KCNT2: variants seen among roughly 807,000 people sequenced by gnomAD.
The protein encoded by KCNT2 is potassium sodium-activated channel subfamily T member 2.
In KCNT2, 67 loss-of-function variants were observed where a neutral mutation model predicts 153.8. That is an observed-to-expected ratio of 0.44 (90% CI 0.36 to 0.53). KCNT2 has a LOEUF of 0.53. KCNT2 is among the 20% of genes least tolerant of loss of function. The pLI is 0.00. For missense variants in KCNT2, 975 were observed against 1,354.8 expected, an observed-to-expected ratio of 0.72 and a Z score of 4.40; for synonymous variants, 500 against 458.8, an observed-to-expected ratio of 1.09 and a Z score of -1.15.
At chr1:196,395,820 A>C (rs749027400) in intron 13 of KCNT2, among the ~76,000 whole-genome samples, 3 of 151,692 alleles carry the variant, frequency 2.0e-5, no homozygotes, top group Non-Finnish European at 4.4e-5. Flanking sequence ...TCCACAATTT[A>C]GGGTAAACCG....
At chr1:196,600,204 T>C (rs1020996770) in intron 1 of KCNT2, among the ~76,000 whole-genome samples, 3 of 152,190 alleles carry the variant, frequency 2.0e-5, no homozygotes, top group Non-Finnish European at 4.4e-5. Flanking sequence ...CTGGCCTCCA[T>C]GGAGCCTAGT....
intron 8 of KCNT2, among the ~76,000 whole-genome samples, chr1:196,435,946 A>G (rs1674616352): frequency 2.6e-5 from 4 of 151,680 alleles, no homozygotes; most frequent in African/African-American, 9.7e-5. Context: ...ATCACATCCT[A>G]AAGGTAGAAT....
chr1:196,262,293 T>C (rs1187065509), intron 25 of KCNT2, among the ~76,000 whole-genome samples: 1 of 151,962 alleles, frequency 6.6e-6, no homozygotes, highest in African/African-American at 2.4e-5. Flanking sequence ...TAGAACAATG[T>C]AGTATTTTAA....
chr1:196,274,116 C>T lies in KCNT2; in HGVS notation c.2910+6744G>A, dbSNP rs184779309. Reference sequence around the variant, plus strand: ...ATACATATGTAATTAAGTTAGTTGACAGAAATATTCTGAGCTTTCATATTG... The same window carrying T: ...ATACATATGTAATTAAGTTAGTTGATAGAAATATTCTGAGCTTTCATATTG... On this transcript the variant is annotated intron_variant, in intron 25 of 27. Transcript: ENST00000294725. 2.2e-3 allele frequency among the ~76,000 whole-genome samples: 333 copies of T among 151,484 alleles called. 1 individual carries two copies. The highest frequency in any genetic ancestry group is 0.011 in the South Asian group (53 of 4,812).
intron 26 of KCNT2, among the ~76,000 whole-genome samples, chr1:196,242,491 T>C (rs572538568): frequency 6.6e-6 from 1 of 152,288 alleles, no homozygotes; most frequent in East Asian, 1.9e-4. Context: ...AAACATATAC[T>C]TAAAAAATCT....
At chr1:196,303,031 C>A (rs1242848166) in intron 22 of KCNT2, among the ~76,000 whole-genome samples, 1 of 151,198 alleles carries the variant, frequency 6.6e-6, no homozygotes, top group Non-Finnish European at 1.5e-5. Flanking sequence ...AAAAAAAATA[C>A]CCTGATGACA....
At chr1:196,509,052 T>A (rs1681384038) in intron 1 of KCNT2, among the ~76,000 whole-genome samples, 1 of 152,084 alleles carries the variant, frequency 6.6e-6, no homozygotes, top group African/African-American at 2.4e-5. Flanking sequence ...GCAGATCACC[T>A]GAGGTCAGCA....
At chr1:196,290,813 A>G (rs927097499) in intron 22 of KCNT2, among the ~76,000 whole-genome samples, 1 of 151,994 alleles carries the variant, frequency 6.6e-6, no homozygotes, top group Admixed American at 6.6e-5. Context: ...TAACTTACTA[A>G]CTCTTTCCCT....
chr1:196,585,722 A>G (rs2148988218), intron 1 of KCNT2, among the ~76,000 whole-genome samples: 1 of 152,224 alleles, frequency 6.6e-6, no homozygotes, highest in Middle Eastern at 3.4e-3. Flanking sequence ...AAGGACATTC[A>G]CTCACTCATC....
At chr1:196,244,858 G>A (rs559879595) in intron 26 of KCNT2, among the ~76,000 whole-genome samples, 7 of 152,186 alleles carry the variant, frequency 4.6e-5, no homozygotes, top group South Asian at 2.1e-4. Context: ...GCTAGCATAC[G>A]TGGTAGCCAG....
At chr1:196,557,892 A>G (rs1658888737) in intron 1 of KCNT2, among the ~76,000 whole-genome samples, 1 of 151,382 alleles carries the variant, frequency 6.6e-6, no homozygotes, top group Admixed American at 6.6e-5. Flanking sequence ...TCCAAATGAA[A>G]TCAAACTTCC....
chr1:196,527,128 G>A (rs1164227023), intron 1 of KCNT2, among the ~76,000 whole-genome samples: 1 of 152,128 alleles, frequency 6.6e-6, no homozygotes, highest in Non-Finnish European at 1.5e-5. Context: ...CTGGTCTATG[G>A]GAAAACTGTC....
intron 8 of KCNT2, among the ~76,000 whole-genome samples, chr1:196,453,279 A>G (rs1266575479): frequency 6.6e-6 from 1 of 151,668 alleles, no homozygotes; most frequent in Admixed American, 6.6e-5. Context: ...TAGCCTCAAC[A>G]CTACGGCACT....
intron 5 of KCNT2, 27 bp downstream of exon 5, chr1:196,479,152 G>T: frequency 7.4e-7 from 1 of 1,354,676 alleles, no homozygotes; most frequent in Non-Finnish European, 1.1e-6. Flanking sequence ...TTCTATCAGC[G>T]GGAAACTGCT....
intron 18 of KCNT2, 56 bp from the exon 19 acceptor site, chr1:196,326,945 G>C: frequency 1.0e-6 from 1 of 981,402 alleles, no homozygotes; most frequent in Admixed American, 2.8e-5. Flanking sequence ...TTAAAATTTG[G>C]AGAAAATTTA....
At chr1:196,460,438 C>A (rs1021118761) in intron 8 of KCNT2, among the ~76,000 whole-genome samples, 4 of 151,308 alleles carry the variant, frequency 2.6e-5, no homozygotes, top group African/African-American at 9.7e-5. Flanking sequence ...TATTGTTATT[C>A]CAGAATGCTA....
At chr1:196,470,845 T>A (rs1396849909) in intron 5 of KCNT2, among the ~76,000 whole-genome samples, 2 of 151,212 alleles carry the variant, frequency 1.3e-5, no homozygotes, top group African/African-American at 4.9e-5. Flanking sequence ...ATTTTAAATT[T>A]TTGCATATAT....
intron 12 of KCNT2, among the ~76,000 whole-genome samples, chr1:196,405,582 A>G (rs1024452130): frequency 1.3e-5 from 2 of 151,544 alleles, no homozygotes; most frequent in African/African-American, 2.4e-5. Flanking sequence ...AATTTTATAA[A>G]TGAATTATTT....
intron 22 of KCNT2, among the ~76,000 whole-genome samples, chr1:196,294,132 C>T (rs1349692266): frequency 1.3e-5 from 2 of 151,992 alleles, no homozygotes; most frequent in Non-Finnish European, 2.9e-5. Flanking sequence ...CAGGGAAATG[C>T]AAATTAAAGC....
Sources: allele counts gnomAD v4.1 joint callset (sites outside exome capture counted in the v4.1 genomes callset), GRCh38; gene constraint gnomAD v4.1.1; transcripts MANE v1.5; gene names NCBI Gene and HGNC (gene_info 2026-07-23, HGNC 2026-07-21).